The following ACCSL variants were observed in gnomAD, a reference collection of about 807,000 sequenced individuals.
ACCSL encodes probable inactive 1-aminocyclopropane-1-carboxylate synthase-like protein 2.
A neutral mutation model predicts 61.7 loss-of-function variants in ACCSL; 55 were observed. The ratio of observed to expected loss-of-function variants is 0.89; its 90% CI spans 0.72 to 1.12. The LOEUF (loss-of-function observed/expected upper bound fraction) is 1.12. Ranked by LOEUF, ACCSL falls within the 50% of genes most tolerant of loss-of-function variation. ACCSL has a pLI of 0.00. For synonymous variants in ACCSL, 258 were observed against 264.3 expected, an observed-to-expected ratio of 0.98 and a Z score of 0.23; for missense variants, 632 against 698.0, an observed-to-expected ratio of 0.91 and a Z score of 1.07.
chr11:44,043,010 G>A (rs1344754318), upstream of ACCSL, among the ~76,000 whole-genome samples: 1 of 151,816 alleles, frequency 6.6e-6, no homozygotes, highest in African/African-American at 2.4e-5. Context: ...TTGAGCCTGG[G>A]AAGTTGAAGC....
In ACCSL at chr11:44,058,710, CT is replaced by C. The variant is rs1565160777; in HGVS notation, c.1624+12del. The C allele has an allele frequency of 6.2e-7, 1 of 1,604,702 alleles. No homozygotes were observed. Among genetic ancestry groups the C allele is most frequent in the Non-Finnish European group, 8.5e-7 (1 of 1,174,306 alleles). On this transcript the variant is annotated intron_variant, in intron 13 of 13. Transcript: ENST00000378832. ...CCCGGCTAAAATTGGGTGAGTGGAG[CT>C]GACCTCCCAATCCTTTAAAGACGCC... is the stretch of plus-strand genomic sequence containing the variant.
the ACCSL span, among the ~76,000 whole-genome samples, chr11:44,027,686 T>G: frequency 6.6e-6 from 1 of 152,240 alleles, no homozygotes; most frequent in Non-Finnish European, 1.5e-5. Flanking sequence ...TTCTGATTTC[T>G]AAGCCCATGC....
chr11:44,040,653 A>G, the ACCSL span, among the ~76,000 whole-genome samples: 1 of 152,196 alleles, frequency 6.6e-6, no homozygotes, highest in Non-Finnish European at 1.5e-5. Flanking sequence ...TTTCTAGGCC[A>G]GAGAAAAGAA....
the ACCSL span, among the ~76,000 whole-genome samples, chr11:43,955,135 G>T: frequency 6.6e-6 from 1 of 152,152 alleles, no homozygotes; most frequent in African/African-American, 2.4e-5. Flanking sequence ...AGCTGGTAGC[G>T]AGTCAGGTGA....
intron 5 of ACCSL, among the ~76,000 whole-genome samples, chr11:44,052,206 C>T (rs866555293): frequency 6.6e-6 from 1 of 152,368 alleles, no homozygotes; most frequent in African/African-American, 2.4e-5. Context: ...CCCTTTCCTG[C>T]AAAGGAGCTT....
the ACCSL span, among the ~76,000 whole-genome samples, chr11:43,973,353 A>G: frequency 3.9e-5 from 6 of 152,298 alleles, no homozygotes; most frequent in East Asian, 9.6e-4. Context: ...TATGGATTCC[A>G]TATGCAAATA....
chr11:44,006,784 C>T, the ACCSL span, among the ~76,000 whole-genome samples: 1 of 152,126 alleles, frequency 6.6e-6, no homozygotes, highest in African/African-American at 2.4e-5. Flanking sequence ...GGAATACAGG[C>T]ATTAGCTACC....
chr11:43,947,714 A>T, the ACCSL span, among the ~76,000 whole-genome samples: 2 of 149,744 alleles, frequency 1.3e-5, no homozygotes, highest in East Asian at 4.0e-4. Flanking sequence ...CCCCCCTGGG[A>T]GATGGAGAGA....
chr11:44,012,289 C>CTTT, the ACCSL span, among the ~76,000 whole-genome samples: 2 of 145,030 alleles, frequency 1.4e-5, no homozygotes, highest in African/African-American at 5.1e-5. Flanking sequence ...ATTTGATTAA[C>CTTT]TTTTTTTTTT....
At chr11:43,943,926 T>C in the ACCSL span, 1 of 1,130,316 alleles carries the variant, frequency 8.8e-7, no homozygotes. This position sits in a 1 kb window ranked among gnomAD's most constrained non-coding sequence, Gnocchi z 4.8. Context: ...GGGTCCAGGC[T>C]CCCAAGACTC....
the ACCSL span, among the ~76,000 whole-genome samples, chr11:43,975,663 T>C: frequency 6.6e-6 from 1 of 152,106 alleles, no homozygotes; most frequent in Admixed American, 6.5e-5. Context: ...GCTTTTAAGA[T>C]GATTATATCA....
chr11:43,984,412 A>G, the ACCSL span, among the ~76,000 whole-genome samples: 9 of 152,158 alleles, frequency 5.9e-5, no homozygotes, highest in Non-Finnish European at 1.3e-4. Flanking sequence ...AGAATGTGTT[A>G]TTTGCTGGCC....
chr11:43,931,717 G>GCCCC, the ACCSL span, among the ~76,000 whole-genome samples: 1 of 152,202 alleles, frequency 6.6e-6, no homozygotes, highest in Non-Finnish European at 1.5e-5. Flanking sequence ...CAAGAGTTAG[G>GCCCC]TGCTCAGGAA....
chr11:43,987,196 C>T, the ACCSL span, among the ~76,000 whole-genome samples: 3 of 152,196 alleles, frequency 2.0e-5, no homozygotes, highest in Non-Finnish European at 2.9e-5. Flanking sequence ...TCCATCCATC[C>T]ATTTATTCAA....
the ACCSL span, among the ~76,000 whole-genome samples, chr11:43,973,546 G>C: frequency 4.6e-5 from 7 of 152,168 alleles, no homozygotes; most frequent in African/African-American, 1.4e-4. Context: ...TCTTCTTACT[G>C]GTCTAACCAG....
At chr11:44,056,474 A>G (rs925357171) in intron 11 of ACCSL, 148 bp downstream of exon 11, 69 of 1,124,626 alleles carry the variant, frequency 6.1e-5, no homozygotes, top group Non-Finnish European at 8.3e-5. Context: ...GTGAGGTTTG[A>G]AGGAGGGCAA....
At chr11:43,994,528 G>A in the ACCSL span, among the ~76,000 whole-genome samples, 1 of 152,096 alleles carries the variant, frequency 6.6e-6, no homozygotes, top group African/African-American at 2.4e-5. Context: ...GTGTGTGTGT[G>A]TGTCTGTGTG....
chr11:43,985,914 T>A, the ACCSL span, among the ~76,000 whole-genome samples: 1 of 151,966 alleles, frequency 6.6e-6, no homozygotes, highest in Non-Finnish European at 1.5e-5. Flanking sequence ...GGAGTATGCC[T>A]GTAATCCCAC....
At chr11:43,937,359 C>T in the ACCSL span, among the ~76,000 whole-genome samples, 2 of 152,188 alleles carry the variant, frequency 1.3e-5, no homozygotes, top group South Asian at 4.1e-4. Context: ...GGGCAGCCGT[C>T]AGTAGGGTGG....
Sources: allele counts gnomAD v4.1 joint callset (sites outside exome capture counted in the v4.1 genomes callset), GRCh38; gene constraint gnomAD v4.1.1; non-coding constraint Gnocchi (gnomAD v3.1); transcripts MANE v1.5; gene names NCBI Gene and HGNC (gene_info 2026-07-23, HGNC 2026-07-21).